Variants in ANKS1B observed in about 807,000 individuals in gnomAD.
ANKS1B encodes the protein ankyrin repeat and sterile alpha motif domain-containing protein 1B.
A neutral mutation model predicts 148.3 loss-of-function variants in ANKS1B; 36 were observed. That is an observed-to-expected ratio of 0.24 (90% CI 0.19 to 0.32). The LOEUF (loss-of-function observed/expected upper bound fraction) is 0.32. Ranked by LOEUF, ANKS1B falls within the 10% of genes least tolerant of loss-of-function variation. The probability of loss-of-function intolerance (pLI) is 1.00; values close to 1 mark genes in which losing one functional copy is unlikely to be tolerated. For missense variants in ANKS1B, 1,157 were observed against 1,542.6 expected (o/e 0.75, Z 4.19); for synonymous variants, 542 against 560.8 (o/e 0.97, Z 0.47).
chr12:98,821,746 T>C (rs1404986088), intron 19 of ANKS1B, among the ~76,000 whole-genome samples: 2 of 152,072 alleles, frequency 1.3e-5, no homozygotes, highest in Non-Finnish European at 2.9e-5. Context: ...TAGCTGGGAT[T>C]ACAGACATCT....
rs10526476 is a variant in ANKS1B at position 99,333,854 on chromosome 12, GTTTTTT to G, written c.1756+65771_1756+65776del. On this transcript the variant is annotated intron_variant, in intron 12 of 26. Transcript: ENST00000683438. ...ATCAAAGTCACATTTCCAGTTCTCA[GTTTTTT>G]TTTTTTTTTTTTTTTAACAATGTGA... Among the ~76,000 whole-genome samples the G allele has an allele frequency of 4.6e-4, 49 of 107,456 alleles. 1 individual carries two copies. The highest frequency in any genetic ancestry group is 1.8e-3 in the African/African-American group (44 of 25,102). The allele number at this position is 107,456 out of a possible 152,430, so 70.5% of individuals were successfully genotyped here.
chr12:98,978,353 CA>C lies in ANKS1B; in HGVS notation c.2778+74803del, dbSNP rs2099901531. On this transcript the variant is annotated intron_variant, in intron 17 of 26. Coordinates refer to ENST00000683438, the MANE Select transcript of ANKS1B (RefSeq NM_001352186.2). ...ATTTACCTAATTTTAGTTGGTGCCA[CA>C]AGGCTTAAAGTATAAATCTGTAGTT... 2.0e-5 allele frequency among the ~76,000 whole-genome samples: 3 copies of C among 152,098 alleles called. No homozygotes were observed. In the South Asian group the frequency reaches 6.2e-4, roughly 32 times the overall value.
intron 1 of ANKS1B, among the ~76,000 whole-genome samples, chr12:99,923,080 C>T (rs61060955): frequency 0.02 from 2,970 of 152,162 alleles, 89 homozygotes; most frequent in African/African-American, 0.068. Context: ...CTGAACAAAG[C>T]CAAAGAAGCA....
intron 14 of ANKS1B, among the ~76,000 whole-genome samples, chr12:99,184,573 C>A (rs550669276): frequency 2.6e-4 from 40 of 152,226 alleles, no homozygotes; most frequent in Admixed American, 9.2e-4. Flanking sequence ...GAAAATAATG[C>A]CTGTTTTGTC....
intron 1 of ANKS1B, among the ~76,000 whole-genome samples, chr12:99,953,388 G>A (rs2095261155): frequency 6.6e-6 from 1 of 152,200 alleles, no homozygotes; most frequent in Admixed American, 6.5e-5. Context: ...AGATGATGGT[G>A]AAGTTTAAGA....
At chr12:99,844,685 G>T (rs2086339427) in intron 1 of ANKS1B, among the ~76,000 whole-genome samples, 1 of 152,048 alleles carries the variant, frequency 6.6e-6, no homozygotes, top group African/African-American at 2.4e-5. Flanking sequence ...CTCCAGCTTT[G>T]TTCTTTTTGC....
rs116955088 is a variant in ANKS1B at position 99,247,257 on chromosome 12, A to G, written c.1757-393T>C. On this transcript the variant is annotated intron_variant, in intron 12 of 26. Coordinates refer to ENST00000683438, the MANE Select transcript of ANKS1B (RefSeq NM_001352186.2). Reference sequence around the variant, plus strand: ...CAGTAAATGAATCATCGTGAAGTAGAACACTAGGCAGGTAAGTCAAGGTCA... The same window carrying G: ...CAGTAAATGAATCATCGTGAAGTAGGACACTAGGCAGGTAAGTCAAGGTCA... Among the ~76,000 whole-genome samples, 1,301 of 152,326 alleles carry G rather than the reference A, an allele frequency of 8.5e-3. 21 individuals carry two copies. Among genetic ancestry groups the G allele is most frequent in the South Asian group, 0.05 (242 of 4,826 alleles).
intron 14 of ANKS1B, among the ~76,000 whole-genome samples, chr12:99,195,148 T>C (rs1451233663): frequency 2.0e-5 from 3 of 152,126 alleles, no homozygotes; most frequent in Admixed American, 6.5e-5. Context: ...GGTTTCCTAG[T>C]TAGCTATGCC....
chr12:99,055,770 A>G (rs1176842018), intron 16 of ANKS1B, among the ~76,000 whole-genome samples: 1 of 152,116 alleles, frequency 6.6e-6, no homozygotes, highest in Admixed American at 6.5e-5. Flanking sequence ...TTTCAAATAA[A>G]TTGGAACTGA....
Position 99,655,148 on chromosome 12 carries a change from A to C in ANKS1B, c.1191T>G (p.Asn397Lys), listed in dbSNP as rs370428433. 1 of 1,612,696 alleles carries C rather than the reference A, an allele frequency of 6.2e-7. No homozygotes were observed. Among genetic ancestry groups the C allele is most frequent in the Non-Finnish European group, 8.5e-7 (1 of 1,179,248 alleles). ...GEVEEEDDDE[N>K]TCGPSGLWEA... is the part of the protein sequence containing the mutation. ...CCCAAAGTCCTGATGGCCCACACGT[A>C]TTTTCATCATCATCCTCTTCTTCCA... is the stretch of plus-strand genomic sequence containing the variant. The change falls in exon 9 of 27, where the codon AAT becomes AAG. Residue 397 changes from asparagine (N) to lysine (K), a missense_variant. Coordinates refer to ENST00000683438, the MANE Select transcript of ANKS1B (RefSeq NM_001352186.2).
intron 14 of ANKS1B, among the ~76,000 whole-genome samples, chr12:99,162,076 A>G (rs1343876176): frequency 6.6e-6 from 1 of 152,220 alleles, no homozygotes; most frequent in Non-Finnish European, 1.5e-5. Flanking sequence ...GCTAGTTATA[A>G]AAGACCATAT....
chr12:99,097,850 T>G (rs1424278337), intron 15 of ANKS1B, among the ~76,000 whole-genome samples: 3 of 152,126 alleles, frequency 2.0e-5, no homozygotes, highest in African/African-American at 7.2e-5. Context: ...GTTCTGGAGG[T>G]TCTAACAAGG....
chr12:99,082,443 G>C (rs1320517704), intron 16 of ANKS1B, among the ~76,000 whole-genome samples: 1 of 152,106 alleles, frequency 6.6e-6, no homozygotes, highest in Admixed American at 6.6e-5. Flanking sequence ...TGTAGGACAG[G>C]ATAAAGACTT....
chr12:98,829,708 T>C lies in ANKS1B; in HGVS notation c.2887-355A>G, dbSNP rs1009012009. 2.6e-5 allele frequency among the ~76,000 whole-genome samples: 4 copies of C among 152,200 alleles called. No homozygotes were observed. The highest frequency in any genetic ancestry group is 4.4e-5 in the Non-Finnish European group (3 of 68,034). On this transcript the variant is annotated intron_variant, in intron 18 of 26. Coordinates refer to ENST00000683438, the MANE Select transcript of ANKS1B (RefSeq NM_001352186.2). The surrounding 1 kb of genome is among the most constrained non-coding windows in gnomAD (Gnocchi z 5.2). ...TCATGTGGGCAGAGCGTCCTCACCA[T>C]GGTAGATGCCATGATGAGAAAGCTA...
chr12:99,420,034 T>C (rs578145553), intron 11 of ANKS1B, among the ~76,000 whole-genome samples: 6 of 152,262 alleles, frequency 3.9e-5, no homozygotes, highest in Admixed American at 3.9e-4. Flanking sequence ...ATACATTCTG[T>C]TTCAGGTATC....
At chr12:99,569,424 T>C (rs2097429305) in intron 9 of ANKS1B, among the ~76,000 whole-genome samples, 2 of 152,120 alleles carry the variant, frequency 1.3e-5, no homozygotes, top group Admixed American at 1.3e-4. Flanking sequence ...AAAATAATAA[T>C]AGCTGTCTTA....
At chr12:98,924,556 T>C (rs748501389) in intron 17 of ANKS1B, among the ~76,000 whole-genome samples, 12 of 152,180 alleles carry the variant, frequency 7.9e-5, no homozygotes, top group Non-Finnish European at 1.8e-4. Flanking sequence ...TTTTTGCCCA[T>C]TGGTCGATTT....
chr12:99,878,242 G>C (rs1332478214), intron 1 of ANKS1B, among the ~76,000 whole-genome samples: 2 of 152,188 alleles, frequency 1.3e-5, no homozygotes, highest in Non-Finnish European at 2.9e-5. Context: ...ATGAGAAAAA[G>C]TAGAAGAGAA....
At chr12:99,180,068 C>A (rs748254806) in intron 14 of ANKS1B, among the ~76,000 whole-genome samples, 2 of 152,104 alleles carry the variant, frequency 1.3e-5, no homozygotes, top group Non-Finnish European at 2.9e-5. Context: ...TTCATGCTAT[C>A]CTTTCTACCT....
Sources: gnomAD v4.1 joint callset for allele counts (sites outside exome capture counted in the v4.1 genomes callset) on GRCh38, gnomAD v4.1.1 for gene constraint, Gnocchi (gnomAD v3.1) non-coding constraint, MANE v1.5 for transcripts, NCBI Gene and HGNC (gene_info 2026-07-23, HGNC 2026-07-21) for gene names.